Variants in IPO7 observed in about 807,000 individuals in gnomAD.
The protein encoded by IPO7 is importin 7.
IPO7 carries 13 observed loss-of-function variants against 136.4 expected under a neutral mutation model. The ratio of observed to expected loss-of-function variants is 0.10; its 90% confidence interval spans 0.06 to 0.15. The LOEUF is 0.15. IPO7 is among the 10% of genes least tolerant of loss of function. The pLI, the probability that IPO7 is intolerant of heterozygous loss-of-function variation, is 1.00. For missense variants in IPO7, 857 were observed against 1,240.6 expected, an observed-to-expected ratio of 0.69 and a Z score of 4.65; for synonymous variants, 403 against 404.4, an observed-to-expected ratio of 1.00 and a Z score of 0.04.
In IPO7 at chr11:9,435,027, A is replaced by G. The variant is rs769372762; in HGVS notation, c.2168A>G (p.Lys723Arg). 8.2e-6 allele frequency: 13 copies of G among 1,577,608 alleles called. No individual in the cohort carries two copies. In the Admixed American group the frequency reaches 1.5e-4, roughly 18 times the overall value. ...KYLEMIYSMC[K>R]KVLTGVAGED... The stretch of plus-strand genomic sequence containing the variant: ...CTTGAAATGATATACAGTATGTGCA[A>G]AAAGGTAGGTCATTTTTATATATCA... Residue 723 changes from lysine to arginine, a missense_variant, in exon 19 of 25, where the codon AAA becomes AGA. Transcript: ENST00000379719.
chr11:9,438,360 C>T (rs919051720), intron 22 of IPO7, 75 bp downstream of exon 22: 1 of 928,234 alleles, frequency 1.1e-6, no homozygotes, highest in Non-Finnish European at 1.7e-6. Flanking sequence ...GGCGCAGTGG[C>T]TCAGGCCTGT....
intron 10 of IPO7, among the ~76,000 whole-genome samples, chr11:9,424,473 T>C (rs967560139): frequency 2.0e-5 from 3 of 152,092 alleles, no homozygotes; most frequent in Non-Finnish European, 4.4e-5. Flanking sequence ...CCAGGTGCGG[T>C]GGCTAAGGCC....
Position 9,439,618 on chromosome 11 carries a change from G to A in IPO7, c.2696-837G>A, listed in dbSNP as rs182324158. Among the ~76,000 whole-genome samples the A allele has an allele frequency of 1.9e-4, 29 of 150,610 alleles. No homozygotes were observed. The East Asian group carries it at 4.0e-3, about 21-fold the overall frequency. ...TGTTGAGACGGAATCTCGTTCTGTC[G>A]CCAAGCTGGAGTGCAATGGCAATCT... is the stretch of plus-strand genomic sequence containing the variant. On this transcript the variant is annotated intron_variant, in intron 22 of 24. Coordinates refer to ENST00000379719, the MANE Select transcript of IPO7 (RefSeq NM_006391.3).
rs535737502 is a variant in IPO7 at position 9,400,148 on chromosome 11, T to C, written c.85-3142T>C. ...ATGCTACGTAAATAGTTGCTGTACT[T>C]ATATTAAGTACTGTTTGTATTATTT... On this transcript the variant is annotated intron_variant, in intron 1 of 24. Transcript: ENST00000379719. Among the ~76,000 whole-genome samples the C allele has an allele frequency of 2.6e-5, 4 of 152,348 alleles. No homozygotes were observed. In the South Asian group the frequency reaches 8.3e-4, roughly 32 times the overall value.
intron 1 of IPO7, among the ~76,000 whole-genome samples, chr11:9,398,045 C>T (rs1854740356): frequency 6.6e-6 from 1 of 152,164 alleles, no homozygotes; most frequent in African/African-American, 2.4e-5. Context: ...AAGATACATA[C>T]TGTAATGTAA....
Position 9,414,237 on chromosome 11 carries a change from T to A in IPO7, c.480-18T>A. 6.3e-7 allele frequency: 1 copy of A among 1,581,240 alleles called. No homozygotes were observed. Among genetic ancestry groups the A allele is most frequent in the Non-Finnish European group, 8.6e-7 (1 of 1,162,192 alleles). On this transcript the variant is annotated intron_variant, in intron 4 of 24. Transcript: ENST00000379719. ...GGAAATAAATTCTTACAGAATTAGT[T>A]TGTATTCCTACTCAAAGGTATAAAA...
chr11:9,427,304 A>T (rs910880672), intron 12 of IPO7, among the ~76,000 whole-genome samples: 1 of 152,152 alleles, frequency 6.6e-6, no homozygotes, highest in African/African-American at 2.4e-5. Context: ...TCTGTTATAC[A>T]GGTTGGAGTG....
At chr11:9,444,448 C>T (rs1249189829) in intron 24 of IPO7, among the ~76,000 whole-genome samples, 1 of 151,712 alleles carries the variant, frequency 6.6e-6, no homozygotes, top group Non-Finnish European at 1.5e-5. Context: ...ACTGCCACCT[C>T]CATCTCCCGA....
chr11:9,394,157 G>A (rs532627492), intron 1 of IPO7, among the ~76,000 whole-genome samples: 6 of 152,280 alleles, frequency 3.9e-5, no homozygotes, highest in Admixed American at 1.3e-4. Flanking sequence ...GATTGCAGGC[G>A]TGAACCATCG....
At chr11:9,415,947 T>C (rs1384719893) in intron 5 of IPO7, among the ~76,000 whole-genome samples, 1 of 152,258 alleles carries the variant, frequency 6.6e-6, no homozygotes, top group Non-Finnish European at 1.5e-5. Context: ...TGGTTCTTTT[T>C]GTTGTATCAT....
At chr11:9,420,051 C>A (rs1403280496) in intron 6 of IPO7, among the ~76,000 whole-genome samples, 2 of 152,124 alleles carry the variant, frequency 1.3e-5, no homozygotes, top group Admixed American at 1.3e-4. Flanking sequence ...AGGCCAGGTG[C>A]AGTGGCGCAC....
chr11:9,418,429 T>C (rs1408776829), intron 6 of IPO7, among the ~76,000 whole-genome samples: 1 of 152,188 alleles, frequency 6.6e-6, no homozygotes, highest in East Asian at 1.9e-4. Context: ...CTCAAAATCC[T>C]TCTGACTTTT....
At chr11:9,437,719 A>C in intron 20 of IPO7, 35 bp from the exon 21 acceptor site, 1 of 1,428,102 alleles carries the variant, frequency 7.0e-7, no homozygotes, top group Non-Finnish European at 9.8e-7. Context: ...GCTATTAATT[A>C]TAGTCTTAGA....
chr11:9,422,456 C>T (rs764616280), intron 8 of IPO7, among the ~76,000 whole-genome samples: 1 of 151,234 alleles, frequency 6.6e-6, no homozygotes, highest in African/African-American at 2.4e-5. Flanking sequence ...TAGCTTTAAA[C>T]TAGTAGATCC....
At chr11:9,389,737 T>C (rs1017959203) in intron 1 of IPO7, among the ~76,000 whole-genome samples, 2 of 152,100 alleles carry the variant, frequency 1.3e-5, no homozygotes, top group Non-Finnish European at 2.9e-5. Context: ...CTCAATATGG[T>C]ATATAATGGT....
At chr11:9,421,812 C>T (rs971395473) in intron 8 of IPO7, among the ~76,000 whole-genome samples, 10 of 150,484 alleles carry the variant, frequency 6.6e-5, no homozygotes, top group African/African-American at 1.7e-4. Flanking sequence ...GGCGTGGTGG[C>T]GGGCGCCTGT....
chr11:9,413,597 T>C (rs1440081842), intron 4 of IPO7, among the ~76,000 whole-genome samples: 1 of 152,184 alleles, frequency 6.6e-6, no homozygotes, highest in Non-Finnish European at 1.5e-5. Flanking sequence ...TATGTAATAC[T>C]GAGAAAGATA....
chr11:9,422,995 T>C lies in IPO7; in HGVS notation c.907-11T>C. On this transcript the variant is annotated splice_polypyrimidine_tract_variant and intron_variant, in intron 8 of 24. Coordinates refer to ENST00000379719, the MANE Select transcript of IPO7 (RefSeq NM_006391.3). The stretch of plus-strand genomic sequence containing the variant: ...TGAACATTGATTTGTGATCGAAAAT[T>C]TTTTTCCAAGGTTTTATTGAAGGTG... 1 of 1,514,106 alleles carries C rather than the reference T, an allele frequency of 6.6e-7. No individual in the cohort carries two copies. Among genetic ancestry groups the C allele is most frequent in the Non-Finnish European group, 8.9e-7 (1 of 1,125,860 alleles). The allele number at this position is 1,514,106 out of a possible 1,614,324, so 93.8% of individuals were successfully genotyped here.
chr11:9,439,415 C>T (rs1033416946), intron 22 of IPO7, among the ~76,000 whole-genome samples: 8 of 151,318 alleles, frequency 5.3e-5, no homozygotes, highest in Non-Finnish European at 2.9e-5. Context: ...TGCACTGAGC[C>T]GTGAAACCCC....
Sources: allele counts gnomAD v4.1 joint callset (sites outside exome capture counted in the v4.1 genomes callset), GRCh38; gene constraint gnomAD v4.1.1; transcripts MANE v1.5; gene names NCBI Gene and HGNC (gene_info 2026-07-23, HGNC 2026-07-21).